Variants in CLIP1 observed in about 807,000 individuals in gnomAD.
CLIP1 encodes the protein CAP-Gly domain containing linker protein 1, also known as CAP-Gly domain-containing linker protein 1.
A neutral mutation model predicts 161.6 loss-of-function variants in CLIP1; 66 were observed. The observed-to-expected ratio is 0.41, with a 90% CI of 0.33 to 0.50. CLIP1 has a LOEUF of 0.50. CLIP1 is among the 20% of genes least tolerant of loss of function. The pLI is 0.27. For synonymous variants in CLIP1, 598 were observed against 626.2 expected (o/e 0.96, Z 0.67); for missense variants, 1,376 against 1,702.0 (o/e 0.81, Z 3.37).
In CLIP1 at chr12:122,420,728, G is replaced by A. The variant is rs115076767; in HGVS notation, c.-107+1793C>T. 1.7e-3 allele frequency among the ~76,000 whole-genome samples: 264 copies of A among 152,130 alleles called. 1 individual carries two copies. The highest frequency in any genetic ancestry group is 6.2e-3 in the African/African-American group (257 of 41,532). On this transcript the variant is annotated intron_variant, in intron 1 of 25. Coordinates refer to ENST00000620786, the MANE Select transcript of CLIP1 (RefSeq NM_001247997.2). ...AAGCAGGTGGATGACTTGAGCCCAGGAGTTCGAAATCAGCCTGGGCAACGT... is the reference window on the plus strand; with the variant it reads ...AAGCAGGTGGATGACTTGAGCCCAGAAGTTCGAAATCAGCCTGGGCAACGT...
intron 21 of CLIP1, among the ~76,000 whole-genome samples, chr12:122,281,578 C>T (rs1955648545): frequency 6.6e-6 from 1 of 151,678 alleles, no homozygotes; most frequent in Non-Finnish European, 1.5e-5. Context: ...TGCTTGTTGT[C>T]CCAGCTACTA....
intron 20 of CLIP1, among the ~76,000 whole-genome samples, chr12:122,290,165 T>A (rs1364468922): frequency 1.3e-5 from 2 of 152,228 alleles, no homozygotes; most frequent in African/African-American, 4.8e-5. Flanking sequence ...CATTATTAAT[T>A]ATTACTTATG....
At chr12:122,388,183 C>A (rs1478866226) in intron 1 of CLIP1, among the ~76,000 whole-genome samples, 1 of 152,068 alleles carries the variant, frequency 6.6e-6, no homozygotes, top group Non-Finnish European at 1.5e-5. Flanking sequence ...AATGCAAATC[C>A]CAAACCTACT....
chr12:122,404,926 A>AC lies in CLIP1; in HGVS notation c.-107+17594dup, dbSNP rs1308306094. Among the ~76,000 whole-genome samples, 299 of 151,532 alleles carry AC rather than the reference A, an allele frequency of 2.0e-3. 2 individuals are homozygous for AC. Among genetic ancestry groups the AC allele is most frequent in the African/African-American group, 7.1e-3 (293 of 41,276 alleles). On this transcript the variant is annotated intron_variant, in intron 1 of 25. Coordinates refer to ENST00000620786, the MANE Select transcript of CLIP1 (RefSeq NM_001247997.2). The stretch of plus-strand genomic sequence containing the variant: ...AAAAAAAAAAACAAAACAAAAAAAA[A>AC]CCAACATGGTGCCATGTGTTCACAC...
At chr12:122,330,214 T>A (rs1378166435) in intron 15 of CLIP1, among the ~76,000 whole-genome samples, 1 of 152,192 alleles carries the variant, frequency 6.6e-6, no homozygotes. Context: ...GGGGCACTTC[T>A]GAATTTTATA....
chr12:122,350,152 G>A (rs1397560085), intron 9 of CLIP1, among the ~76,000 whole-genome samples: 1 of 152,052 alleles, frequency 6.6e-6, no homozygotes, highest in African/African-American at 2.4e-5. Flanking sequence ...TGTTCTGCCC[G>A]CCTCAACCTC....
intron 2 of CLIP1, 42 bp from the exon 3 acceptor site, chr12:122,378,002 G>T (rs1345848054): frequency 1.3e-6 from 2 of 1,519,150 alleles, no homozygotes; most frequent in Non-Finnish European, 1.8e-6. Context: ...TAATTTTCAA[G>T]CAGACAACCT....
intron 7 of CLIP1, among the ~76,000 whole-genome samples, chr12:122,353,788 G>A (rs1324118581): frequency 6.6e-6 from 1 of 151,812 alleles, no homozygotes; most frequent in East Asian, 2.0e-4. Flanking sequence ...CCGCCAACAG[G>A]CCTGGCTAAT....
chr12:122,362,991 A>T (rs1953945891), intron 4 of CLIP1, among the ~76,000 whole-genome samples: 1 of 152,178 alleles, frequency 6.6e-6, no homozygotes, highest in South Asian at 2.1e-4. Context: ...TTTTCTCTAT[A>T]ATTAATTTGC....
chr12:122,333,176 CTG>C (rs1235751949), intron 14 of CLIP1, 33 bp from the exon 15 acceptor site: 1 of 1,546,516 alleles, frequency 6.5e-7, no homozygotes, highest in Admixed American at 1.8e-5. Context: ...AATAGCACGG[CTG>C]TGTTATATCA....
intron 4 of CLIP1, 91 bp from the exon 5 acceptor site, chr12:122,361,272 C>A (rs765859954): frequency 9.2e-7 from 1 of 1,091,064 alleles, no homozygotes; most frequent in Admixed American, 2.4e-5. Context: ...TCCTAACTTA[C>A]GGTTGGATTC....
At chr12:122,293,084 A>G (rs1950323219) in intron 20 of CLIP1, among the ~76,000 whole-genome samples, 1 of 152,114 alleles carries the variant, frequency 6.6e-6, no homozygotes. Flanking sequence ...ACACAACCCA[A>G]TAAAGAACTT....
At chr12:122,390,970 T>A (rs1955633119) in intron 1 of CLIP1, among the ~76,000 whole-genome samples, 2 of 152,116 alleles carry the variant, frequency 1.3e-5, no homozygotes, top group South Asian at 4.2e-4. Context: ...AGCCATACAA[T>A]CACTTCTCTT....
Position 122,272,301 on chromosome 12 carries a change from T to C in CLIP1, c.*574A>G, listed in dbSNP as rs1262630114. The C allele has an allele frequency of 6.5e-6, 1 of 153,478 alleles. No individual in the cohort carries two copies. The highest frequency in any genetic ancestry group is 1.5e-5 in the Non-Finnish European group (1 of 68,624). 9.5% of individuals were successfully genotyped at this position (153,478 alleles called of 1,614,324 possible). A position where few individuals can be genotyped will look rare whatever the true frequency, so the allele number is the denominator to read the frequency against. On this transcript the variant is annotated 3_prime_UTR_variant, in exon 26 of 26. Transcript: ENST00000620786. ...CTTGCCCCTCCCTTTACCTGCTTCA[T>C]GATTTTATAATCACACCTAAGTATT...
At chr12:122,390,267 C>CATATATATATACATAT (rs1955570555) in intron 1 of CLIP1, among the ~76,000 whole-genome samples, 1 of 71,290 alleles carries the variant, frequency 1.4e-5, no homozygotes, top group Non-Finnish European at 3.1e-5. Context: ...TATACACACA[C>CATATATATATACATAT]ATATATATAT....
At chr12:122,384,954 G>A (rs200803402) in intron 1 of CLIP1, among the ~76,000 whole-genome samples, 1 of 95,040 alleles carries the variant, frequency 1.1e-5, no homozygotes, top group Non-Finnish European at 2.1e-5. Flanking sequence ...TTTTTTTTTT[G>A]AGACAGTCTC....
At position 122,274,170 on chromosome 12, in the gene CLIP1, G is replaced by T; in HGVS notation, c.3967-8C>A. 6.4e-7 allele frequency: 1 copy of T among 1,572,706 alleles called. No individual in the cohort carries two copies. On this transcript the variant is annotated splice_polypyrimidine_tract_variant and splice_region_variant and intron_variant, in intron 24 of 25. Transcript: ENST00000620786. The stretch of plus-strand genomic sequence containing the variant: ...TGAATTTAGGAAATCAATCTGATTT[G>T]TTAAAAAAAAAATGTGTAAAATGTC...
At chr12:122,331,765 C>A (rs1007195233) in intron 15 of CLIP1, among the ~76,000 whole-genome samples, 3 of 151,634 alleles carry the variant, frequency 2.0e-5, no homozygotes, top group East Asian at 3.9e-4. Flanking sequence ...GCGGCCAAGG[C>A]GGCCAGATCG....
intron 20 of CLIP1, among the ~76,000 whole-genome samples, chr12:122,289,805 G>GTTTTTTTTTTTT (rs11286847): frequency 7.3e-6 from 1 of 136,772 alleles, no homozygotes; most frequent in Non-Finnish European, 1.6e-5. Context: ...CACTGTTAAT[G>GTTTTTTTTTTTT]TTTTTTTTTT....
Sources: allele counts gnomAD v4.1 joint callset (sites outside exome capture counted in the v4.1 genomes callset), GRCh38; gene constraint gnomAD v4.1.1; transcripts MANE v1.5; gene names NCBI Gene and HGNC (gene_info 2026-07-23, HGNC 2026-07-21).